PCDH15: variants seen among roughly 807,000 people sequenced by gnomAD.
PCDH15 encodes the protein protocadherin-15.
PCDH15 carries 129 observed loss-of-function variants against 178.5 expected under a neutral mutation model. The observed-to-expected ratio is 0.72, with a 90% CI of 0.63 to 0.84. The LOEUF is 0.84. PCDH15 is among the 40% of genes least tolerant of loss of function. The pLI is 0.00. For missense variants in PCDH15, 2,230 were observed against 2,099.9 expected (o/e 1.06, Z -1.21); for synonymous variants, 800 against 732.0 (o/e 1.09, Z -1.50).
intron 2 of PCDH15, among the ~76,000 whole-genome samples, chr10:55,463,937 GA>G (rs549892254): frequency 3.1e-5 from 1 of 32,218 alleles, no homozygotes; most frequent in Non-Finnish European, 4.9e-5. Context: ...AAGAAAGAAA[GA>G]AAGAAAGAAA....
At chr10:54,168,091 T>C (rs1423481769) in intron 13 of PCDH15, among the ~76,000 whole-genome samples, 2 of 151,988 alleles carry the variant, frequency 1.3e-5, no homozygotes, top group Non-Finnish European at 2.9e-5. Flanking sequence ...AACTCACACC[T>C]GACCTAAAAC....
intron 3 of PCDH15, among the ~76,000 whole-genome samples, chr10:54,465,237 T>C (rs557059774): frequency 1.3e-5 from 2 of 152,216 alleles, no homozygotes; most frequent in South Asian, 4.1e-4. Flanking sequence ...AGAATACTTT[T>C]CATCTCAATG....
At chr10:54,900,324 TA>T (rs536645944) in intron 2 of PCDH15, among the ~76,000 whole-genome samples, 7 of 151,908 alleles carry the variant, frequency 4.6e-5, no homozygotes, top group African/African-American at 1.5e-4. Context: ...ATTGTCAGTG[TA>T]AAAAAAAGAA....
At chr10:54,122,874 TAAA>T (rs34113865) in intron 15 of PCDH15, among the ~76,000 whole-genome samples, 2 of 143,698 alleles carry the variant, frequency 1.4e-5, no homozygotes, top group Non-Finnish European at 1.5e-5. Flanking sequence ...AAAACACTGC[TAAA>T]AAAAAAAAAA....
At position 53,878,791 on chromosome 10, in the gene PCDH15, A is replaced by T. The variant is rs537739298; in HGVS notation, c.3502-11934T>A. 7.6e-4 allele frequency among the ~76,000 whole-genome samples: 115 copies of T among 152,078 alleles called. 3 individuals carry two copies. The highest frequency in any genetic ancestry group is 4.0e-4 in the Non-Finnish European group (27 of 67,996). On this transcript the variant is annotated intron_variant, in intron 26 of 37. Transcript: ENST00000644397. ...CAGTGGTCAAATAATATTTGGCTTAAATGTCTATAGAAGACTATCATAGTG... is the reference window on the plus strand; with the variant it reads ...CAGTGGTCAAATAATATTTGGCTTATATGTCTATAGAAGACTATCATAGTG...
intron 26 of PCDH15, among the ~76,000 whole-genome samples, chr10:53,890,580 T>C (rs558149425): frequency 7.9e-5 from 12 of 152,284 alleles, no homozygotes; most frequent in South Asian, 4.1e-4. Flanking sequence ...CATAAATGTC[T>C]AGGGGGAGAA....
At chr10:54,827,918 C>T (rs1307915088) in intron 3 of PCDH15, among the ~76,000 whole-genome samples, 2 of 152,014 alleles carry the variant, frequency 1.3e-5, no homozygotes, top group African/African-American at 2.4e-5. Flanking sequence ...CCCCACTAAA[C>T]TTCTTTTTAA....
chr10:55,410,169 C>T (rs189658711), intron 2 of PCDH15, among the ~76,000 whole-genome samples: 4 of 151,936 alleles, frequency 2.6e-5, no homozygotes, highest in Admixed American at 1.3e-4. Flanking sequence ...TTGTTTTGCT[C>T]CAAAAATTAC....
chr10:53,882,739 C>T (rs2080818025), intron 26 of PCDH15, among the ~76,000 whole-genome samples: 1 of 152,128 alleles, frequency 6.6e-6, no homozygotes, highest in African/African-American at 2.4e-5. Context: ...TATCTCTTTG[C>T]AAAGTTATTA....
intron 26 of PCDH15, among the ~76,000 whole-genome samples, chr10:53,902,668 GATAA>G (rs1296086695): frequency 6.6e-6 from 1 of 151,980 alleles, no homozygotes; most frequent in Non-Finnish European, 1.5e-5. Context: ...AACATTTGAT[GATAA>G]ATAAAGAAAA....
intron 2 of PCDH15, among the ~76,000 whole-genome samples, chr10:55,041,609 C>G (rs533472751): frequency 6.6e-6 from 1 of 152,112 alleles, no homozygotes; most frequent in Non-Finnish European, 1.5e-5. Context: ...GCAGGCAAAT[C>G]TATTCTAAAT....
intron 2 of PCDH15, among the ~76,000 whole-genome samples, chr10:54,530,813 C>G (rs949683145): frequency 2.0e-5 from 3 of 152,018 alleles, no homozygotes; most frequent in Non-Finnish European, 4.4e-5. Context: ...TTTTAAGACT[C>G]AAAACACAAA....
At chr10:55,612,900 C>A (rs951015031) in intron 2 of PCDH15, among the ~76,000 whole-genome samples, 2 of 151,334 alleles carry the variant, frequency 1.3e-5, no homozygotes, top group Non-Finnish European at 2.9e-5. Context: ...ATAATTGAAA[C>A]AATATACAAA....
chr10:54,885,211 C>G, intron 3 of PCDH15, among the ~76,000 whole-genome samples: 1 of 151,938 alleles, frequency 6.6e-6, no homozygotes, highest in East Asian at 1.9e-4. Context: ...ATGTACTAAA[C>G]TAGCAGATAT....
At chr10:54,851,713 G>T (rs1188186828) in intron 3 of PCDH15, among the ~76,000 whole-genome samples, 2 of 152,054 alleles carry the variant, frequency 1.3e-5, no homozygotes, top group African/African-American at 4.8e-5. Context: ...TCCTGCCTTA[G>T]CCTCCCAAAC....
intron 2 of PCDH15, among the ~76,000 whole-genome samples, chr10:54,579,556 T>G (rs1201053326): frequency 6.6e-6 from 1 of 152,028 alleles, no homozygotes; most frequent in East Asian, 1.9e-4. Context: ...AACACATCAA[T>G]GACAGCATTA....
intron 2 of PCDH15, among the ~76,000 whole-genome samples, chr10:55,627,187 T>C (rs1481563788): frequency 7.0e-6 from 1 of 142,998 alleles, no homozygotes; most frequent in Non-Finnish European, 1.5e-5. Flanking sequence ...CTCCATTCAC[T>C]ACATGTGGAC....
chr10:55,517,345 T>G (rs1226427200), intron 2 of PCDH15, among the ~76,000 whole-genome samples: 1 of 152,104 alleles, frequency 6.6e-6, no homozygotes, highest in Non-Finnish European at 1.5e-5. Context: ...TTTTCAGTAT[T>G]TTAGGATCAA....
chr10:54,436,820 G>C (rs148161720), intron 3 of PCDH15, among the ~76,000 whole-genome samples: 2 of 151,930 alleles, frequency 1.3e-5, no homozygotes, highest in African/African-American at 4.8e-5. Flanking sequence ...TCACAAAATC[G>C]AGATTCAAAA....
Sources: allele counts gnomAD v4.1 joint callset (sites outside exome capture counted in the v4.1 genomes callset), GRCh38; gene constraint gnomAD v4.1.1; transcripts MANE v1.5; gene names NCBI Gene and HGNC (gene_info 2026-07-23, HGNC 2026-07-21).